Variants in RGPD2 observed in about 807,000 individuals in gnomAD.
RGPD2 encodes RANBP2-like and GRIP domain-containing protein 2.
Under a neutral mutation model 36.0 loss-of-function variants are expected in RGPD2, and 2 were observed. That is an observed-to-expected ratio of 0.06 (90% CI 0.02 to 0.17). The LOEUF is 0.17. Among genes scored for constraint, RGPD2 ranks in the 10% least tolerant of loss-of-function variants. RGPD2 has a pLI of 1.00. For missense variants in RGPD2, 40 were observed against 464.3 expected (o/e 0.09, Z 8.40); for synonymous variants, 19 against 163.8 (o/e 0.12, Z 6.75).
chr2:87,756,527 G>C lies in RGPD2; in HGVS notation c.*865C>G, dbSNP rs1210765711. On this transcript the variant is annotated 3_prime_UTR_variant, in exon 23 of 23. Transcript: ENST00000398146. The stretch of plus-strand genomic sequence containing the variant: ...GTAACCCCCCTGTCTGATTCCACTA[G>C]AATGTGAGCTCTATGATGGCCAAGC... 4 of 316,878 alleles carry C rather than the reference G, an allele frequency of 1.3e-5. No homozygotes were observed. Among genetic ancestry groups the C allele is most frequent in the East Asian group, 6.3e-5 (1 of 15,978 alleles). The allele number at this position is 316,878 out of a possible 1,614,324, so 19.6% of individuals were successfully genotyped here. A position where few individuals can be genotyped will look rare whatever the true frequency, so the allele number is the denominator to read the frequency against.
intron 21 of RGPD2, among the ~76,000 whole-genome samples, chr2:87,772,811 CA>C (rs1454879111): frequency 6.6e-6 from 1 of 150,520 alleles, no homozygotes; most frequent in African/African-American, 2.4e-5. Flanking sequence ...TGAGTCAGTC[CA>C]GCAGCTTACC....
At chr2:87,980,220 G>A in the RGPD2 span, among the ~76,000 whole-genome samples, 4 of 147,330 alleles carry the variant, frequency 2.7e-5, no homozygotes, top group South Asian at 2.2e-4. Flanking sequence ...GCATGGTGGC[G>A]GGCGCCTGTA....
the RGPD2 span, among the ~76,000 whole-genome samples, chr2:87,988,541 A>ATTTTTTTT: frequency 3.7e-5 from 2 of 54,148 alleles, no homozygotes; most frequent in Admixed American, 3.1e-4. Context: ...ATATATATAT[A>ATTTTTTTT]TTTTTTTTTT....
chr2:87,948,436 C>A, the RGPD2 span, among the ~76,000 whole-genome samples: 4 of 150,778 alleles, frequency 2.7e-5, no homozygotes, highest in African/African-American at 9.8e-5. Context: ...GGCTAGAGTG[C>A]AATGGCACAA....
At chr2:87,855,121 C>T in the RGPD2 span, among the ~76,000 whole-genome samples, 1 of 151,796 alleles carries the variant, frequency 6.6e-6, no homozygotes. Flanking sequence ...CTATAAATTA[C>T]ATCCTCAGAA....
At chr2:87,809,832 G>T (rs1219218497) in intron 6 of RGPD2, among the ~76,000 whole-genome samples, 1 of 144,406 alleles carries the variant, frequency 6.9e-6, no homozygotes. Flanking sequence ...CCCTCTGAGG[G>T]CCAAGGGCTG....
chr2:87,825,147 A>T, intron 1 of RGPD2: 2 of 391,094 alleles, frequency 5.1e-6, no homozygotes. Context: ...CCACAATCCT[A>T]GGTCTGCCCG....
At chr2:87,825,537 C>CCGCCGCCCGGCCGGGT (rs1686739316) in intron 1 of RGPD2, 121 bp downstream of exon 1, 2 of 588,600 alleles carry the variant, frequency 3.4e-6, no homozygotes, top group Non-Finnish European at 3.9e-6. Flanking sequence ...GAGGCCGAGG[C>CCGCCGCCCGGCCGGGT]CGAGGCCGCC....
At chr2:87,988,516 T>C in the RGPD2 span, among the ~76,000 whole-genome samples, 3 of 43,358 alleles carry the variant, frequency 6.9e-5, no homozygotes, top group African/African-American at 1.5e-4. Context: ...TCCATATATA[T>C]ACATATAAAT....
chr2:87,948,560 T>A, the RGPD2 span, among the ~76,000 whole-genome samples: 2 of 145,728 alleles, frequency 1.4e-5, no homozygotes, highest in African/African-American at 5.1e-5. Flanking sequence ...TTTGTATTTT[T>A]AGTAGAGACG....
chr2:87,986,711 T>C, the RGPD2 span, among the ~76,000 whole-genome samples: 2 of 150,852 alleles, frequency 1.3e-5, 1 homozygote, highest in East Asian at 4.1e-4. Flanking sequence ...GAAACCCCAT[T>C]TCTACTAAAA....
the RGPD2 span, among the ~76,000 whole-genome samples, chr2:87,879,427 TC>T: frequency 6.7e-6 from 1 of 149,776 alleles, no homozygotes; most frequent in African/African-American, 2.5e-5. Context: ...TTTTTTTAAC[TC>T]ATTAACCATC....
the RGPD2 span, among the ~76,000 whole-genome samples, chr2:87,957,703 C>T: frequency 6.6e-6 from 1 of 152,246 alleles, no homozygotes; most frequent in East Asian, 1.9e-4. Context: ...GGAGTCACAA[C>T]CATTGTCTAT....
the RGPD2 span, among the ~76,000 whole-genome samples, chr2:87,988,266 G>A: frequency 2.8e-3 from 348 of 126,300 alleles, 2 homozygotes; most frequent in African/African-American, 9.4e-3. Flanking sequence ...TGCATCTCAG[G>A]AATAATTCAA....
chr2:87,922,884 C>CTG, the RGPD2 span, among the ~76,000 whole-genome samples: 30 of 152,244 alleles, frequency 2.0e-4, no homozygotes, highest in African/African-American at 6.5e-4. Context: ...CCCAATGCAT[C>CTG]TGTGGGGATC....
the RGPD2 span, among the ~76,000 whole-genome samples, chr2:87,984,346 T>A: frequency 6.6e-6 from 1 of 152,062 alleles, no homozygotes; most frequent in African/African-American, 2.4e-5. Context: ...GAGATGTGGT[T>A]AAAGAGTCGT....
At chr2:87,837,619 A>G in the RGPD2 span, among the ~76,000 whole-genome samples, 5 of 39,934 alleles carry the variant, frequency 1.3e-4, no homozygotes, top group East Asian at 5.9e-4. Flanking sequence ...AAAAAGTTAG[A>G]AAGATCTAAA....
chr2:87,837,491 G>A, the RGPD2 span, among the ~76,000 whole-genome samples: 11 of 87,702 alleles, frequency 1.3e-4, no homozygotes, highest in East Asian at 3.7e-3. Context: ...ATAAAATTAA[G>A]GCAGAAATCA....
chr2:87,921,209 G>A, the RGPD2 span, among the ~76,000 whole-genome samples: 5 of 152,134 alleles, frequency 3.3e-5, no homozygotes, highest in East Asian at 7.7e-4. Flanking sequence ...CAGAGTATGT[G>A]AGCAAACTAT....
Sources: gnomAD v4.1 joint callset for allele counts (sites outside exome capture counted in the v4.1 genomes callset) on GRCh38, gnomAD v4.1.1 for gene constraint, MANE v1.5 for transcripts, NCBI Gene and HGNC (gene_info 2026-07-23, HGNC 2026-07-21) for gene names.